Variants in ADGRL2 observed in about 807,000 individuals in gnomAD.
The protein encoded by ADGRL2 is calcium-independent alpha-latrotoxin receptor 2.
A neutral mutation model predicts 157.4 loss-of-function variants in ADGRL2; 44 were observed. That is an observed-to-expected ratio of 0.28 (90% confidence interval 0.22 to 0.36). The LOEUF (loss-of-function observed/expected upper bound fraction) is 0.36, where lower values mean the gene tolerates loss of function less well. Among genes scored for constraint, ADGRL2 ranks in the 10% least tolerant of loss-of-function variants. The pLI is 1.00. For synonymous variants in ADGRL2, 585 were observed against 624.7 expected, an observed-to-expected ratio of 0.94 and a Z score of 0.95; for missense variants, 1,510 against 1,768.9, an observed-to-expected ratio of 0.85 and a Z score of 2.63.
At chr1:81,514,334 C>T (rs1056669684) in intron 2 of ADGRL2, among the ~76,000 whole-genome samples, 7 of 152,090 alleles carry the variant, frequency 4.6e-5, no homozygotes, top group African/African-American at 1.7e-4. Flanking sequence ...AACCTCTAGG[C>T]TCTTCCACTG....
At chr1:81,496,720 G>A (rs2078738740) in intron 2 of ADGRL2, among the ~76,000 whole-genome samples, 1 of 151,396 alleles carries the variant, frequency 6.6e-6, no homozygotes. Context: ...AAATTTTATA[G>A]TGCTTATTGA....
At chr1:81,548,641 A>G (rs183643351) in intron 2 of ADGRL2, among the ~76,000 whole-genome samples, 19 of 152,142 alleles carry the variant, frequency 1.2e-4, no homozygotes, top group Admixed American at 1.1e-3. Flanking sequence ...TTCACTCTCA[A>G]TTTTGATCTA....
chr1:81,462,937 A>G (rs1310151943), intron 2 of ADGRL2, among the ~76,000 whole-genome samples: 1 of 151,826 alleles, frequency 6.6e-6, no homozygotes. Flanking sequence ...CAACTTGGCA[A>G]AACCCAATTT....
chr1:81,753,484 T>C (rs1426718342), intron 1 of ADGRL2, among the ~76,000 whole-genome samples: 5 of 152,118 alleles, frequency 3.3e-5, no homozygotes, highest in Non-Finnish European at 7.3e-5. Flanking sequence ...CCAAACCATA[T>C]CAGTATGTAA....
At chr1:81,798,968 T>C, upstream of ADGRL2, among the ~76,000 whole-genome samples, 1 of 152,288 alleles carries the variant, frequency 6.6e-6, no homozygotes, top group South Asian at 2.1e-4. Flanking sequence ...AAAGAAGGGC[T>C]AAAATATTTT....
intron 1 of ADGRL2, chr1:81,723,134 C>T (rs914341402): frequency 1.1e-5 from 7 of 639,616 alleles, no homozygotes; most frequent in East Asian, 5.3e-5. Flanking sequence ...TTATGGATGT[C>T]GCAATAATAC....
chr1:81,622,539 C>T (rs2081818627), intron 3 of ADGRL2, among the ~76,000 whole-genome samples: 1 of 152,116 alleles, frequency 6.6e-6, no homozygotes, highest in Non-Finnish European at 1.5e-5. Context: ...CAAGATCGTG[C>T]CACTGCACTC....
chr1:81,830,821 ATTTT>A (rs2091895969), intron 1 of ADGRL2, among the ~76,000 whole-genome samples: 1 of 152,040 alleles, frequency 6.6e-6, no homozygotes, highest in Non-Finnish European at 1.5e-5. Context: ...TTTCATATTT[ATTTT>A]TAAGATCATT....
intron 3 of ADGRL2, among the ~76,000 whole-genome samples, chr1:81,914,666 G>A (rs1317548143): frequency 6.6e-6 from 1 of 152,120 alleles, no homozygotes; most frequent in East Asian, 1.9e-4. Context: ...TCATGTCTAT[G>A]CAATCTACTT....
intron 3 of ADGRL2, among the ~76,000 whole-genome samples, chr1:81,916,934 T>C (rs2094869384): frequency 6.6e-6 from 1 of 151,958 alleles, no homozygotes; most frequent in Admixed American, 6.6e-5. Context: ...TGAGTCAGTA[T>C]ACTGTATTGA....
chr1:81,445,203 A>G (rs2101701395), intron 2 of ADGRL2: 1 of 152,336 alleles, frequency 6.6e-6, no homozygotes, highest in South Asian at 2.1e-4. Context: ...CTGATATTGG[A>G]TGATCTTTTA....
intron 2 of ADGRL2, among the ~76,000 whole-genome samples, chr1:81,500,007 A>C (rs1281761230): frequency 6.6e-6 from 1 of 152,178 alleles, no homozygotes; most frequent in Non-Finnish European, 1.5e-5. Context: ...CCTTAGGCTG[A>C]AAAAGAAAAA....
At chr1:81,542,337 AG>A (rs2079905577) in intron 2 of ADGRL2, among the ~76,000 whole-genome samples, 3 of 152,198 alleles carry the variant, frequency 2.0e-5, no homozygotes, top group Non-Finnish European at 4.4e-5. Flanking sequence ...TGCCTTTTGC[AG>A]GAGTAGGGAA....
intron 1 of ADGRL2, among the ~76,000 whole-genome samples, chr1:81,815,971 A>C (rs2090360755): frequency 6.6e-6 from 1 of 151,832 alleles, no homozygotes. Flanking sequence ...GATTTTTAAT[A>C]AGTTTAAGAG....
At chr1:81,707,946 A>G (rs1412950518) in intron 1 of ADGRL2, among the ~76,000 whole-genome samples, 2 of 152,160 alleles carry the variant, frequency 1.3e-5, no homozygotes, top group African/African-American at 4.8e-5. Flanking sequence ...TGAATTATCC[A>G]TGTACCACAT....
At chr1:81,721,478 G>A (rs1233668762) in intron 1 of ADGRL2, among the ~76,000 whole-genome samples, 1 of 152,082 alleles carries the variant, frequency 6.6e-6, no homozygotes, top group Admixed American at 6.6e-5. Context: ...CAGGTAGGCC[G>A]GGCATAGTGG....
chr1:81,314,018 C>T (rs538719024), intron 1 of ADGRL2, among the ~76,000 whole-genome samples: 4 of 152,008 alleles, frequency 2.6e-5, no homozygotes, highest in East Asian at 1.9e-4. Flanking sequence ...GTAATTACGT[C>T]GATAGTGAAA....
chr1:81,763,836 G>A (rs897291574), intron 2 of ADGRL2, among the ~76,000 whole-genome samples: 6 of 151,680 alleles, frequency 4.0e-5, no homozygotes, highest in East Asian at 2.0e-4. Flanking sequence ...GTGAAACCCC[G>A]TCTCTACTAA....
chr1:81,986,931 CTCT>C lies in ADGRL2; in HGVS notation c.3545_3547del (p.Leu1182del). The C allele has an allele frequency of 1.9e-6, 3 of 1,611,074 alleles. No individual in the cohort carries two copies. The highest frequency in any genetic ancestry group is 2.5e-6 in the Non-Finnish European group (3 of 1,179,034). ...ACTGGCAATTACCTACTAACAAACC[CTCT>C]TCTTCGACCCCACGGCACTAACAAC... On this transcript the variant is annotated inframe_deletion, in exon 22 of 24. Coordinates refer to ENST00000686636, the MANE Select transcript of ADGRL2 (RefSeq NM_001366006.2).
Sources: allele counts gnomAD v4.1 joint callset (sites outside exome capture counted in the v4.1 genomes callset), GRCh38; gene constraint gnomAD v4.1.1; transcripts MANE v1.5; gene names NCBI Gene and HGNC (gene_info 2026-07-23, HGNC 2026-07-21).